EXOC6B: variants seen among roughly 807,000 people sequenced by gnomAD.
The protein encoded by EXOC6B is SEC15 homolog B.
In EXOC6B, 54 loss-of-function variants were observed where a neutral mutation model predicts 113.5. That is an observed-to-expected ratio of 0.48 (90% CI 0.38 to 0.60). The LOEUF (loss-of-function observed/expected upper bound fraction) is 0.60, where lower values mean the gene tolerates loss of function less well. Among genes scored for constraint, EXOC6B ranks in the 20% least tolerant of loss-of-function variants. EXOC6B has a pLI of 0.00. For synonymous variants in EXOC6B, 357 were observed against 339.0 expected (o/e 1.05, Z -0.58); for missense variants, 797 against 977.5 (o/e 0.82, Z 2.46).
In EXOC6B at chr2:72,333,727, G is replaced by A. The variant is rs185317669; in HGVS notation, c.2196+1220C>T. ...GCCCCCAAATATTAAGTTGACACAC[G>A]TTTCTGGGACACAGCCTGAATCCTC... On this transcript the variant is annotated intron_variant, in intron 20 of 21. Transcript: ENST00000272427. Among the ~76,000 whole-genome samples the A allele has an allele frequency of 2.9e-3, 444 of 152,088 alleles. 2 individuals are homozygous for A. The highest frequency in any genetic ancestry group is 4.3e-3 in the African/African-American group (180 of 41,500).
At chr2:72,767,160 G>T (rs1206091929) in intron 1 of EXOC6B, among the ~76,000 whole-genome samples, 1 of 151,778 alleles carries the variant, frequency 6.6e-6, no homozygotes, top group Non-Finnish European at 1.5e-5. Flanking sequence ...CCGAGTGCGG[G>T]GGCTCACGCC....
At chr2:72,345,483 A>C (rs1302846697) in intron 19 of EXOC6B, among the ~76,000 whole-genome samples, 3 of 152,192 alleles carry the variant, frequency 2.0e-5, no homozygotes, top group African/African-American at 7.2e-5. Flanking sequence ...CAGACAAGGG[A>C]ATATTATTTA....
At chr2:72,561,742 C>CA (rs1703897508) in intron 7 of EXOC6B, among the ~76,000 whole-genome samples, 1 of 152,126 alleles carries the variant, frequency 6.6e-6, no homozygotes, top group African/African-American at 2.4e-5. Context: ...AGAAAGGAGA[C>CA]AAAGGCCACT....
intron 4 of EXOC6B, 48 bp downstream of exon 4, chr2:72,731,107 C>CA (rs760762671): frequency 1.5e-3 from 2,169 of 1,418,292 alleles, no homozygotes; most frequent in Non-Finnish European, 1.7e-3. Context: ...CTAATTAAAG[C>CA]AAAAAAAAAA....
intron 11 of EXOC6B, among the ~76,000 whole-genome samples, chr2:72,503,102 C>T (rs1248819000): frequency 6.6e-6 from 1 of 152,126 alleles, no homozygotes; most frequent in African/African-American, 2.4e-5. Context: ...TAAGGAATCT[C>T]TCACTTGTTC....
At chr2:72,261,587 T>C (rs186676647) in intron 20 of EXOC6B, among the ~76,000 whole-genome samples, 6 of 152,204 alleles carry the variant, frequency 3.9e-5, no homozygotes, top group Admixed American at 1.3e-4. Context: ...ATATAGCCTG[T>C]TCCAATTTTT....
At chr2:72,780,597 T>A (rs576734082) in intron 1 of EXOC6B, among the ~76,000 whole-genome samples, 6 of 152,344 alleles carry the variant, frequency 3.9e-5, no homozygotes, top group Non-Finnish European at 8.8e-5. Flanking sequence ...AAGGTTTCCT[T>A]CAATTCACAC....
intron 20 of EXOC6B, among the ~76,000 whole-genome samples, chr2:72,321,577 C>A (rs1349618971): frequency 1.4e-5 from 2 of 144,076 alleles, no homozygotes; most frequent in African/African-American, 2.6e-5. Flanking sequence ...TATGCAAAAA[C>A]AGAGATGAAT....
At chr2:72,224,523 C>T (rs1681077424) in intron 20 of EXOC6B, among the ~76,000 whole-genome samples, 2 of 152,066 alleles carry the variant, frequency 1.3e-5, no homozygotes, top group African/African-American at 4.8e-5. Flanking sequence ...AAGTAGGGTA[C>T]AAGTACTCTT....
At chr2:72,413,814 T>C (rs923602647) in intron 18 of EXOC6B, among the ~76,000 whole-genome samples, 3 of 152,212 alleles carry the variant, frequency 2.0e-5, no homozygotes, top group African/African-American at 7.2e-5. Flanking sequence ...ACAGACTGTA[T>C]GTATCACCAC....
chr2:72,531,563 A>G (rs1316656649), intron 8 of EXOC6B, among the ~76,000 whole-genome samples: 1 of 152,250 alleles, frequency 6.6e-6, no homozygotes, highest in Non-Finnish European at 1.5e-5. Flanking sequence ...TAAGTTTCAA[A>G]GTGTTAAAAT....
intron 20 of EXOC6B, among the ~76,000 whole-genome samples, chr2:72,289,832 G>A (rs995530106): frequency 7.2e-5 from 11 of 152,066 alleles, no homozygotes; most frequent in African/African-American, 2.7e-4. Context: ...GGCTGCAGTG[G>A]GCTATGATCA....
At chr2:72,523,539 G>A (rs1171793719) in intron 8 of EXOC6B, among the ~76,000 whole-genome samples, 1 of 152,166 alleles carries the variant, frequency 6.6e-6, no homozygotes, top group Admixed American at 6.5e-5. Context: ...AGCACTTTGG[G>A]AGGCCGAGGC....
intron 20 of EXOC6B, 91 bp downstream of exon 20, chr2:72,334,856 A>C: frequency 8.4e-7 from 1 of 1,184,116 alleles, no homozygotes; most frequent in Non-Finnish European, 1.3e-6. Context: ...GCCAACGCCA[A>C]TCCCCCTCCC....
In EXOC6B at chr2:72,510,288, A is replaced by C. The variant is rs898215537; in HGVS notation, c.1167+2844T>G. On this transcript the variant is annotated intron_variant, in intron 11 of 21. Transcript: ENST00000272427. ...TGCTGCTCAGAGTGTTAAATAGTTC[A>C]ATAGTTTGGGAGAGCAAATGAGCAA... Among the ~76,000 whole-genome samples the C allele has an allele frequency of 2.6e-5, 4 of 152,126 alleles. No homozygotes were observed. In the East Asian group the frequency reaches 7.7e-4, roughly 29 times the overall value.
intron 7 of EXOC6B, among the ~76,000 whole-genome samples, chr2:72,562,402 G>C (rs1469229491): frequency 6.6e-6 from 1 of 152,070 alleles, no homozygotes; most frequent in Non-Finnish European, 1.5e-5. Flanking sequence ...CTAACTCTCT[G>C]TCAAAGCTAT....
chr2:72,494,672 G>A (rs1482046935), intron 15 of EXOC6B, among the ~76,000 whole-genome samples: 1 of 152,040 alleles, frequency 6.6e-6, no homozygotes, highest in Non-Finnish European at 1.5e-5. Context: ...CCCTACAAAA[G>A]GATGGAACAC....
At chr2:72,275,372 G>A (rs971063916) in intron 20 of EXOC6B, among the ~76,000 whole-genome samples, 4 of 152,072 alleles carry the variant, frequency 2.6e-5, no homozygotes, top group African/African-American at 9.7e-5. Context: ...ACACTTCATG[G>A]CTCACAGCTG....
At chr2:72,672,889 C>T (rs964152441) in intron 6 of EXOC6B, among the ~76,000 whole-genome samples, 1 of 152,002 alleles carries the variant, frequency 6.6e-6, no homozygotes, top group African/African-American at 2.4e-5. Flanking sequence ...AATAGTGTGA[C>T]TACATTAAAC....
Sources: allele counts gnomAD v4.1 joint callset (sites outside exome capture counted in the v4.1 genomes callset), GRCh38; gene constraint gnomAD v4.1.1; transcripts MANE v1.5; gene names NCBI Gene and HGNC (gene_info 2026-07-23, HGNC 2026-07-21).